Variants in THSD4 observed in about 807,000 individuals in gnomAD.
THSD4 encodes the protein thrombospondin type 1 domain containing 4, also known as thrombospondin type-1 domain-containing protein 4.
In THSD4, 69 loss-of-function variants were observed where a neutral mutation model predicts 119.0. That is an observed-to-expected ratio of 0.58 (90% CI 0.48 to 0.71). The LOEUF (loss-of-function observed/expected upper bound fraction) is 0.71. THSD4 is among the 30% of genes least tolerant of loss of function. The pLI, the probability that THSD4 is intolerant of heterozygous loss-of-function variation, is 0.00. For missense variants in THSD4, 1,393 were observed against 1,391.1 expected, an observed-to-expected ratio of 1.00 and a Z score of -0.02; for synonymous variants, 524 against 540.4, an observed-to-expected ratio of 0.97 and a Z score of 0.42.
intron 1 of THSD4, among the ~76,000 whole-genome samples, chr15:71,140,257 GC>G (rs2141370383): frequency 1.3e-5 from 2 of 152,292 alleles, no homozygotes; most frequent in Non-Finnish European, 2.9e-5. Flanking sequence ...GTGCTGGCTG[GC>G]ATCTGCTTCT....
At chr15:71,123,685 G>T (rs2040428744) in intron 1 of THSD4, among the ~76,000 whole-genome samples, 1 of 152,182 alleles carries the variant, frequency 6.6e-6, no homozygotes, top group South Asian at 2.1e-4. Flanking sequence ...GATTCAGATT[G>T]GTGGGAATTC....
At chr15:71,400,568 C>T (rs2046515269) in intron 6 of THSD4, among the ~76,000 whole-genome samples, 1 of 152,198 alleles carries the variant, frequency 6.6e-6, no homozygotes, top group Non-Finnish European at 1.5e-5. Flanking sequence ...GAGGAAAAGT[C>T]TGGCGCTGCT....
intron 5 of THSD4, among the ~76,000 whole-genome samples, chr15:71,244,073 C>T (rs2044178472): frequency 6.7e-6 from 1 of 149,180 alleles, no homozygotes; most frequent in African/African-American, 2.5e-5. Flanking sequence ...GTGTGAGCCA[C>T]CGCACCTGGC....
intron 6 of THSD4, among the ~76,000 whole-genome samples, chr15:71,285,451 C>A (rs890651544): frequency 1.3e-5 from 2 of 152,170 alleles, no homozygotes; most frequent in Non-Finnish European, 2.9e-5. Context: ...TCATGAATTG[C>A]GCTTCACCTC....
intron 5 of THSD4, among the ~76,000 whole-genome samples, chr15:71,254,229 T>C (rs2044289476): frequency 6.6e-6 from 1 of 152,242 alleles, no homozygotes. Flanking sequence ...AGCCGATCTC[T>C]AGTTCTGATT....
intron 6 of THSD4, among the ~76,000 whole-genome samples, chr15:71,364,811 C>G (rs1000423868): frequency 1.3e-5 from 2 of 152,100 alleles, no homozygotes; most frequent in African/African-American, 4.8e-5. Context: ...ACGTTGTGGT[C>G]AAAGTAAATG....
chr15:71,716,833 C>T (rs2052621085), intron 8 of THSD4, among the ~76,000 whole-genome samples: 1 of 152,172 alleles, frequency 6.6e-6, no homozygotes, highest in Admixed American at 6.5e-5. Context: ...GTTCTGGTCA[C>T]TCACATAGAA....
intron 7 of THSD4, among the ~76,000 whole-genome samples, chr15:71,475,575 G>A (rs1815941226): frequency 6.6e-6 from 1 of 151,538 alleles, no homozygotes; most frequent in African/African-American, 2.4e-5. Flanking sequence ...AGGTAATTCT[G>A]CTGCTGCTGG....
intron 6 of THSD4, among the ~76,000 whole-genome samples, chr15:71,294,908 C>T (rs1041380818): frequency 1.5e-5 from 2 of 135,068 alleles, no homozygotes; most frequent in Non-Finnish European, 3.1e-5. Flanking sequence ...TCTCAGTCTG[C>T]AGTTCTCACA....
At chr15:71,318,699 G>A (rs774524639) in intron 6 of THSD4, among the ~76,000 whole-genome samples, 16 of 152,130 alleles carry the variant, frequency 1.1e-4, no homozygotes, top group Non-Finnish European at 1.6e-4. Context: ...TTCATTCTGG[G>A]TTGGAAATGA....
intron 8 of THSD4, among the ~76,000 whole-genome samples, chr15:71,671,296 C>G (rs2051522790): frequency 6.6e-6 from 1 of 152,172 alleles, no homozygotes; most frequent in South Asian, 2.1e-4. Context: ...TGAGAAGTGT[C>G]TGTTCATATC....
chr15:71,107,395 GAAAGAAAGAAAGCAAAAGA>G (rs1301146619), intron 1 of THSD4, among the ~76,000 whole-genome samples: 4 of 149,370 alleles, frequency 2.7e-5, no homozygotes, highest in Admixed American at 1.3e-4. Context: ...AAAAAGAAAA[GAAAGAAAGAAAGCAAAAGA>G]AAAGAAAGAA....
At chr15:71,180,570 C>G (rs920723059) in intron 3 of THSD4, among the ~76,000 whole-genome samples, 4 of 152,048 alleles carry the variant, frequency 2.6e-5, no homozygotes, top group Non-Finnish European at 5.9e-5. Flanking sequence ...GATTATGTGT[C>G]AATTATACCT....
intron 10 of THSD4, among the ~76,000 whole-genome samples, chr15:71,734,479 T>C (rs2053042771): frequency 6.6e-6 from 1 of 152,156 alleles, no homozygotes; most frequent in South Asian, 2.1e-4. Flanking sequence ...GGTCAGTGGT[T>C]GCCAGGGGCT....
chr15:71,552,269 A>G (rs1338412415), intron 7 of THSD4, among the ~76,000 whole-genome samples: 1 of 152,130 alleles, frequency 6.6e-6, no homozygotes, highest in Non-Finnish European at 1.5e-5. Flanking sequence ...CAGTCTTAAG[A>G]TTATCTTTTT....
intron 4 of THSD4, among the ~76,000 whole-genome samples, chr15:71,215,856 G>T (rs1317687854): frequency 6.6e-6 from 1 of 152,214 alleles, no homozygotes; most frequent in African/African-American, 2.4e-5. Flanking sequence ...GCCTTAGAAT[G>T]CTCCCAAGCT....
intron 3 of THSD4, chr15:71,186,848 A>G (rs1288856249): frequency 1.3e-5 from 2 of 152,204 alleles, no homozygotes; most frequent in Non-Finnish European, 2.9e-5. Flanking sequence ...GAATAAATGA[A>G]TAGTCCCCTT....
At chr15:71,097,464 G>A (rs1333707153) in intron 1 of THSD4, among the ~76,000 whole-genome samples, 1 of 151,612 alleles carries the variant, frequency 6.6e-6, no homozygotes, top group Non-Finnish European at 1.5e-5. Context: ...TACTCCGGAG[G>A]CTAAGGTTAG....
chr15:71,328,264 A>G (rs903647650), intron 6 of THSD4, among the ~76,000 whole-genome samples: 2 of 152,184 alleles, frequency 1.3e-5, no homozygotes, highest in Non-Finnish European at 2.9e-5. Flanking sequence ...GGGGATCTCC[A>G]TCTGCATTTT....
Sources: allele counts gnomAD v4.1 joint callset (sites outside exome capture counted in the v4.1 genomes callset), GRCh38; gene constraint gnomAD v4.1.1; transcripts MANE v1.5; gene names NCBI Gene and HGNC (gene_info 2026-07-23, HGNC 2026-07-21).